Variants in RAB36 observed in about 807,000 individuals in gnomAD.
The protein encoded by RAB36 is ras-related protein Rab-36.
Under a neutral mutation model 39.3 loss-of-function variants are expected in RAB36, and 33 were observed. The ratio of observed to expected loss-of-function variants is 0.84; its 90% CI spans 0.64 to 1.12. The LOEUF (loss-of-function observed/expected upper bound fraction) is 1.12, where lower values mean the gene tolerates loss of function less well. Ranked by LOEUF, RAB36 falls within the 50% of genes most tolerant of loss-of-function variation. RAB36 has a pLI of 0.00. For missense variants in RAB36, 308 were observed against 355.3 expected (o/e 0.87, Z 1.07); for synonymous variants, 133 against 140.2 (o/e 0.95, Z 0.36).
chr22:23,145,923 GC>G, intron 1 of RAB36: 2 of 958,442 alleles, frequency 2.1e-6, no homozygotes. Context: ...GAAAGTTAAG[GC>G]CCCCAGGCCC....
intron 6 of RAB36, 108 bp downstream of exon 6, chr22:23,156,140 T>TCTTAGAAAA: frequency 1.0e-6 from 1 of 955,892 alleles, no homozygotes; most frequent in East Asian, 2.9e-5. Context: ...TTTTTTGTCC[T>TCTTAGAAAA]CCAAGACCCA....
upstream of RAB36, chr22:23,145,443 G>T (rs754448252): frequency 9.9e-6 from 16 of 1,610,658 alleles, no homozygotes; most frequent in East Asian, 3.3e-4. Flanking sequence ...CGACGTCGAC[G>T]ATTCGTGTAG....
rs1374866893 is a variant in RAB36, at chr22:23,162,302, T to C, written c.*738T>C. 1 of 251,772 alleles carries C rather than the reference T, an allele frequency of 4.0e-6. No individual in the cohort carries two copies. The highest frequency in any genetic ancestry group is 1.0e-4 in the East Asian group (1 of 9,710). The allele number at this position is 251,772 out of a possible 1,614,324, so 15.6% of individuals were successfully genotyped here. On this transcript the variant is annotated 3_prime_UTR_variant, in exon 11 of 11. Coordinates refer to ENST00000263116, the MANE Select transcript of RAB36 (RefSeq NM_004914.5). ...TGCAGAACAACCACTCAGGCCTTTC[T>C]GGCCCACCTGGACAGTGCATTTACC...
chr22:23,149,957 G>T, intron 2 of RAB36, 106 bp from the exon 3 acceptor site: 1 of 861,620 alleles, frequency 1.2e-6, no homozygotes, highest in Non-Finnish European at 1.9e-6. Flanking sequence ...CCAGCTGTGA[G>T]GCCTAGGAAG....
chr22:23,152,559 C>A, intron 4 of RAB36, 33 bp downstream of exon 4: 2 of 1,597,118 alleles, frequency 1.3e-6, no homozygotes, highest in Non-Finnish European at 8.6e-7. Context: ...TTGGCCACCT[C>A]CCCCAGCACC....
In RAB36 at chr22:23,158,966, A is replaced by C; in HGVS notation, c.515A>C (p.Lys172Thr). The part of the protein sequence containing the change: ...GSCFIFLVGT[K>T]KDLLSGAACE... ...TGCTTCATCTTCCTCGTGGGAACCA[A>C]GAAGGACCTTCTGGTGAGCAGAGTG... is the stretch of plus-strand genomic sequence containing the variant. Residue 172 changes from lysine (K) to threonine (T), a missense_variant, in exon 8 of 11, where the codon AAG (lysine) becomes ACG (threonine). By Grantham distance (78) the Lys-to-Thr change is moderately conservative (BLOSUM62 -1). Coordinates refer to ENST00000263116, the MANE Select transcript of RAB36 (RefSeq NM_004914.5). 2 of 1,614,198 alleles carry C rather than the reference A, an allele frequency of 1.2e-6. No homozygotes were observed. Among genetic ancestry groups the C allele is most frequent in the East Asian group, 4.5e-5 (2 of 44,880 alleles).
downstream of RAB36, among the ~76,000 whole-genome samples, chr22:23,167,384 G>A (rs2072069285): frequency 6.6e-6 from 1 of 152,172 alleles, no homozygotes; most frequent in African/African-American, 2.4e-5. Context: ...GGTTGACAGA[G>A]GCTCCACAGG....
chr22:23,167,146 A>C (rs988007165), downstream of RAB36, among the ~76,000 whole-genome samples: 9 of 152,020 alleles, frequency 5.9e-5, no homozygotes, highest in African/African-American at 1.9e-4. Context: ...GTCTAATCCC[A>C]GTGGGAATCT....
rs2072023248 is a variant in RAB36 at position 23,165,364 on chromosome 22, T to C, written c.*3800T>C. Among the ~76,000 whole-genome samples, 2 of 152,164 alleles carry C rather than the reference T, an allele frequency of 1.3e-5. No individual in the cohort carries two copies. Among genetic ancestry groups the C allele is most frequent in the Admixed American group, 1.3e-4 (2 of 15,278 alleles). ...GGGACAGTTGTGCCTCATCCCTCAC[T>C]TGCAAACCCCAGTCCTGTCTGACCC... On this transcript the variant is annotated 3_prime_UTR_variant, in exon 11 of 11. Transcript: ENST00000263116.
downstream of RAB36, among the ~76,000 whole-genome samples, chr22:23,167,692 C>T (rs1355303959): frequency 1.3e-5 from 2 of 151,736 alleles, no homozygotes; most frequent in African/African-American, 4.9e-5. Flanking sequence ...CATTCATTAA[C>T]TCTTTTTTTA....
chr22:23,161,202 C>A (rs1308840020), intron 10 of RAB36, among the ~76,000 whole-genome samples: 1 of 152,186 alleles, frequency 6.6e-6, no homozygotes, highest in Non-Finnish European at 1.5e-5. Flanking sequence ...CCTCCCTAGC[C>A]CTCCCTGTTC....
rs2071211042 is a variant in RAB36 at position 23,152,515 on chromosome 22, C to G, written c.216C>G (p.Ser72Arg). The change falls in exon 4 of 11, where the codon AGC becomes AGG. Residue 72 changes from serine to arginine, a missense_variant. Ser to Arg is a moderately radical substitution (Grantham distance 110). Transcript: ENST00000263116. ...VVGDLYVGKT[S>R]LIHRFCKNVF... ...GCGATCTCTACGTGGGGAAGACCAG[C>G]CTCATCCACAGGTACAAGGCTTCCT... The G allele has an allele frequency of 6.2e-7, 1 of 1,614,042 alleles. No homozygotes were observed. Among genetic ancestry groups the G allele is most frequent in the African/African-American group, 1.3e-5 (1 of 74,934 alleles).
chr22:23,166,032 G>C (rs1347802028), downstream of RAB36, among the ~76,000 whole-genome samples: 1 of 151,606 alleles, frequency 6.6e-6, no homozygotes, highest in East Asian at 1.9e-4. Flanking sequence ...TGTAGTCCCA[G>C]CTACTTGGGA....
chr22:23,169,248 T>C (rs573256321), downstream of RAB36, among the ~76,000 whole-genome samples: 2 of 152,352 alleles, frequency 1.3e-5, no homozygotes, highest in East Asian at 3.9e-4. Flanking sequence ...GCACTCTGGC[T>C]GGGGGCAGGA....
intron 3 of RAB36, among the ~76,000 whole-genome samples, chr22:23,151,274 C>A (rs2071106675): frequency 6.6e-6 from 1 of 152,220 alleles, no homozygotes; most frequent in Non-Finnish European, 1.5e-5. Context: ...CAGATGATCT[C>A]CCTGATCCCT....
At chr22:23,166,044 G>C (rs2072042792), downstream of RAB36, among the ~76,000 whole-genome samples, 1 of 151,312 alleles carries the variant, frequency 6.6e-6, no homozygotes, top group Non-Finnish European at 1.5e-5. Flanking sequence ...TACTTGGGAG[G>C]CTGAGGCAGG....
At chr22:23,160,351 G>T (rs901649215) in intron 9 of RAB36, among the ~76,000 whole-genome samples, 3 of 152,226 alleles carry the variant, frequency 2.0e-5, no homozygotes, top group African/African-American at 7.2e-5. Context: ...CAGGTTGCTG[G>T]CTGCACAAGG....
chr22:23,152,568 C>G, intron 4 of RAB36, 42 bp downstream of exon 4: 1 of 1,586,168 alleles, frequency 6.3e-7, no homozygotes, highest in Non-Finnish European at 8.7e-7. Context: ...TCCCCCAGCA[C>G]CAGGTTGTCA....
At chr22:23,167,951 A>G (rs976421487), downstream of RAB36, among the ~76,000 whole-genome samples, 1 of 151,910 alleles carries the variant, frequency 6.6e-6, no homozygotes, top group Admixed American at 6.6e-5. Context: ...TCATCAAGCA[A>G]TCCCCCCACC....
Sources: allele counts gnomAD v4.1 joint callset (sites outside exome capture counted in the v4.1 genomes callset), GRCh38; gene constraint gnomAD v4.1.1; transcripts MANE v1.5; gene names NCBI Gene and HGNC (gene_info 2026-07-23, HGNC 2026-07-21).